GLRA3: variants seen among roughly 807,000 people sequenced by gnomAD.
The protein encoded by GLRA3 is glycine receptor alpha 3, also known as glycine receptor subunit alpha-3.
A neutral mutation model predicts 60.4 loss-of-function variants in GLRA3; 44 were observed. The ratio of observed to expected loss-of-function variants is 0.73; its 90% CI spans 0.57 to 0.94. The LOEUF (loss-of-function observed/expected upper bound fraction) is 0.94. Among genes scored for constraint, GLRA3 ranks in the 40% least tolerant of loss-of-function variants. The probability of loss-of-function intolerance (pLI) is 0.00; values close to 1 mark genes in which losing one functional copy is unlikely to be tolerated. For missense variants in GLRA3, 508 were observed against 564.6 expected (o/e 0.90, Z 1.02); for synonymous variants, 223 against 192.9 (o/e 1.16, Z -1.29).
At chr4:174,675,631 G>A (rs1413954860) in intron 7 of GLRA3, among the ~76,000 whole-genome samples, 2 of 151,910 alleles carry the variant, frequency 1.3e-5, no homozygotes, top group East Asian at 1.9e-4. Context: ...TTATCCTTAC[G>A]TAAATAAGCA....
chr4:174,797,030 T>G (rs1254467453), intron 1 of GLRA3, among the ~76,000 whole-genome samples: 1 of 152,202 alleles, frequency 6.6e-6, no homozygotes, highest in Non-Finnish European at 1.5e-5. Flanking sequence ...ATACATAGTA[T>G]GAGGCTCCAT....
intron 7 of GLRA3, among the ~76,000 whole-genome samples, chr4:174,668,853 C>T (rs1446617508): frequency 6.6e-6 from 1 of 152,086 alleles, no homozygotes; most frequent in Non-Finnish European, 1.5e-5. Flanking sequence ...TAAAACATCA[C>T]AGTGTATGCT....
intron 3 of GLRA3, among the ~76,000 whole-genome samples, chr4:174,765,150 T>C (rs1738091371): frequency 6.6e-6 from 1 of 150,432 alleles, no homozygotes; most frequent in South Asian, 2.1e-4. Context: ...TGCAATATCC[T>C]GCAAGCTTTT....
intron 1 of GLRA3, among the ~76,000 whole-genome samples, chr4:174,821,101 T>C (rs1367335695): frequency 1.3e-5 from 2 of 152,164 alleles, no homozygotes; most frequent in Non-Finnish European, 2.9e-5. Flanking sequence ...AGTCTAAACC[T>C]AGTCAACAGT....
chr4:174,660,428 A>T (rs149074118), intron 7 of GLRA3, among the ~76,000 whole-genome samples: 1 of 152,020 alleles, frequency 6.6e-6, no homozygotes, highest in Non-Finnish European at 1.5e-5. Context: ...ATATTTCCTC[A>T]TTTACATTCA....
At chr4:174,780,381 G>C (rs1322880155) in intron 2 of GLRA3, among the ~76,000 whole-genome samples, 1 of 151,062 alleles carries the variant, frequency 6.6e-6, no homozygotes, top group Non-Finnish European at 1.5e-5. Context: ...AAAGACCATC[G>C]AGACTAGGAA....
chr4:174,649,355 A>G (rs1732949383), intron 9 of GLRA3, among the ~76,000 whole-genome samples: 1 of 152,198 alleles, frequency 6.6e-6, no homozygotes, highest in Admixed American at 6.5e-5. Flanking sequence ...AAAAGAGAGT[A>G]AGATATACTC....
At chr4:174,705,007 G>T (rs1236502820) in intron 5 of GLRA3, among the ~76,000 whole-genome samples, 1 of 143,812 alleles carries the variant, frequency 7.0e-6, no homozygotes, top group African/African-American at 2.5e-5. Context: ...TTGGGAGATT[G>T]CTTGTACAAC....
intron 1 of GLRA3, among the ~76,000 whole-genome samples, chr4:174,801,486 A>C (rs1739811506): frequency 6.6e-6 from 1 of 152,036 alleles, no homozygotes; most frequent in Admixed American, 6.6e-5. Flanking sequence ...TTTCCACACA[A>C]GTTTGCTCTT....
chr4:174,717,817 G>A (rs1268397923), intron 4 of GLRA3, among the ~76,000 whole-genome samples: 1 of 152,284 alleles, frequency 6.6e-6, no homozygotes. Context: ...TATTAGAAGT[G>A]TATGCACACA....
At chr4:174,732,986 G>T (rs1027739569) in intron 3 of GLRA3, among the ~76,000 whole-genome samples, 1 of 152,064 alleles carries the variant, frequency 6.6e-6, no homozygotes, top group African/African-American at 2.4e-5. Context: ...CTAGGTAAAG[G>T]ATTCAATAGT....
chr4:174,816,100 G>A (rs1740490358), intron 1 of GLRA3, among the ~76,000 whole-genome samples: 1 of 152,140 alleles, frequency 6.6e-6, no homozygotes, highest in African/African-American at 2.4e-5. Flanking sequence ...GTGAGTATGT[G>A]GTGGAAGACA....
chr4:174,663,133 T>TTTCAACAGGGAAGCAC (rs1733520075), intron 7 of GLRA3, among the ~76,000 whole-genome samples: 2 of 152,154 alleles, frequency 1.3e-5, no homozygotes, highest in Non-Finnish European at 2.9e-5. Context: ...ATATGAAGTA[T>TTTCAACAGGGAAGCAC]TTCAACAGGG....
intron 9 of GLRA3, among the ~76,000 whole-genome samples, chr4:174,653,626 G>A (rs936475498): frequency 6.6e-6 from 1 of 151,738 alleles, no homozygotes; most frequent in Non-Finnish European, 1.5e-5. Flanking sequence ...ATATTATAGA[G>A]GACGGATAAG....
At chr4:174,679,802 G>A (rs1579433464) in intron 6 of GLRA3, among the ~76,000 whole-genome samples, 1 of 152,176 alleles carries the variant, frequency 6.6e-6, no homozygotes, top group East Asian at 1.9e-4. Flanking sequence ...ACATGTGGGA[G>A]CTAAAATAAT....
intron 8 of GLRA3, among the ~76,000 whole-genome samples, chr4:174,656,992 T>C (rs1179406733): frequency 6.6e-6 from 1 of 152,162 alleles, no homozygotes; most frequent in Non-Finnish European, 1.5e-5. Context: ...CATTAAATCA[T>C]AATTATGTTT....
At chr4:174,719,195 C>T (rs1044590501) in intron 4 of GLRA3, among the ~76,000 whole-genome samples, 2 of 151,610 alleles carry the variant, frequency 1.3e-5, no homozygotes, top group African/African-American at 4.8e-5. Flanking sequence ...GATCTCCTGA[C>T]CTCGTGATCC....
intron 3 of GLRA3, among the ~76,000 whole-genome samples, chr4:174,739,977 G>A (rs1736950480): frequency 6.6e-6 from 1 of 152,116 alleles, no homozygotes; most frequent in Non-Finnish European, 1.5e-5. Context: ...TATCCCTATT[G>A]CAGTTTTCCT....
intron 3 of GLRA3, among the ~76,000 whole-genome samples, chr4:174,729,673 T>C (rs1378571928): frequency 1.3e-5 from 2 of 152,232 alleles, no homozygotes; most frequent in African/African-American, 4.8e-5. Flanking sequence ...TATATGTCTT[T>C]ATAAATATTT....
Sources: allele counts gnomAD v4.1 joint callset (sites outside exome capture counted in the v4.1 genomes callset), GRCh38; gene constraint gnomAD v4.1.1; transcripts MANE v1.5; gene names NCBI Gene and HGNC (gene_info 2026-07-23, HGNC 2026-07-21).